HPCAL1: variants seen among roughly 807,000 people sequenced by gnomAD.
HPCAL1 encodes the protein hippocalcin like 1, also known as hippocalcin-like protein 1.
HPCAL1 carries 8 observed loss-of-function variants against 17.1 expected under a neutral mutation model. That is an observed-to-expected ratio of 0.47 (90% CI 0.27 to 0.84). The LOEUF (loss-of-function observed/expected upper bound fraction) is 0.84. Among genes scored for constraint, HPCAL1 ranks in the 40% least tolerant of loss-of-function variants. HPCAL1 has a pLI of 0.13. For missense variants in HPCAL1, 165 were observed against 271.1 expected, an observed-to-expected ratio of 0.61 and a Z score of 2.75; for synonymous variants, 112 against 111.4, an observed-to-expected ratio of 1.01 and a Z score of -0.03.
intron 1 of HPCAL1, among the ~76,000 whole-genome samples, chr2:10,385,052 G>A (rs1321549261): frequency 6.6e-6 from 1 of 151,252 alleles, no homozygotes; most frequent in Non-Finnish European, 1.5e-5. Flanking sequence ...CCCGGGAGGT[G>A]AAGGTTGCAG....
chr2:10,379,598 C>T (rs1386380640), intron 1 of HPCAL1, among the ~76,000 whole-genome samples: 1 of 152,114 alleles, frequency 6.6e-6, no homozygotes, highest in East Asian at 1.9e-4. Flanking sequence ...CTGGATGTCT[C>T]TCAATAGGCT....
At position 10,407,094 on chromosome 2, in the gene HPCAL1, C is replaced by T. The variant is rs535794375; in HGVS notation, c.-25+10174C>T. ...GCAGGAAGTCCCCCATCCTGTCCCC[C>T]ACCCCACTGGCTGAGGACCATATAG... On this transcript the variant is annotated intron_variant, in intron 2 of 4. Transcript: ENST00000307845. 4.1e-4 allele frequency among the ~76,000 whole-genome samples: 63 copies of T among 152,270 alleles called. 2 individuals are homozygous for T. In the South Asian group the frequency reaches 0.013, roughly 31 times the overall value.
chr2:10,391,483 G>A (rs1281163746), intron 1 of HPCAL1, among the ~76,000 whole-genome samples: 2 of 152,256 alleles, frequency 1.3e-5, no homozygotes, highest in East Asian at 1.9e-4. Context: ...CCCATTTAAA[G>A]TATACAATGT....
rs924542791 is a variant in HPCAL1 at position 10,362,929 on chromosome 2, G to A, written c.-110-33906G>A. 6.6e-6 allele frequency among the ~76,000 whole-genome samples: 1 copy of A among 152,200 alleles called. No homozygotes were observed. The highest frequency in any genetic ancestry group is 1.5e-5 in the Non-Finnish European group (1 of 68,040). On this transcript the variant is annotated intron_variant, in intron 1 of 4. Transcript: ENST00000307845. The surrounding 1 kb of genome is among the most constrained non-coding windows in gnomAD (Gnocchi z 5.0). Reference sequence around the variant, plus strand: ...GACTGGGGAATCCCTGGCCCAGAGAGGGAAACTGGTTTTCCCAGAGTCACA... The same window carrying A: ...GACTGGGGAATCCCTGGCCCAGAGAAGGAAACTGGTTTTCCCAGAGTCACA...
At chr2:10,339,185 C>T (rs1664911618) in intron 1 of HPCAL1, among the ~76,000 whole-genome samples, 1 of 152,186 alleles carries the variant, frequency 6.6e-6, no homozygotes, top group South Asian at 2.1e-4. Context: ...TAGGGTCTCG[C>T]TGTGTCACCC....
chr2:10,398,960 G>A (rs954676596), intron 2 of HPCAL1, among the ~76,000 whole-genome samples: 1 of 152,034 alleles, frequency 6.6e-6, no homozygotes, highest in Non-Finnish European at 1.5e-5. Flanking sequence ...GCTAGAGAGT[G>A]GGGGAACATC....
At chr2:10,347,700 C>T (rs139164997) in intron 1 of HPCAL1, among the ~76,000 whole-genome samples, 73 of 152,240 alleles carry the variant, frequency 4.8e-4, no homozygotes, top group African/African-American at 1.7e-3. Context: ...ACTGTGTCTG[C>T]GGGGCGGGGT....
chr2:10,380,933 T>A (rs1667902025), intron 1 of HPCAL1, among the ~76,000 whole-genome samples: 1 of 152,220 alleles, frequency 6.6e-6, no homozygotes, highest in Non-Finnish European at 1.5e-5. Context: ...AAGAATGTTT[T>A]GAATAAGCGA....
chr2:10,427,084 C>T lies in HPCAL1; in HGVS notation c.*263C>T. ...TGCAGGGTTCAAGTGTTCTTGGTTC[C>T]AGGCACCTCCCGGCTCACGGGGAGC... On this transcript the variant is annotated 3_prime_UTR_variant, in exon 5 of 5. Coordinates refer to ENST00000307845, the MANE Select transcript of HPCAL1 (RefSeq NM_002149.4). The T allele has an allele frequency of 4.2e-6, 2 of 475,590 alleles. No individual in the cohort carries two copies. Among genetic ancestry groups the T allele is most frequent in the Non-Finnish European group, 7.7e-6 (2 of 260,646 alleles). 29.5% of individuals were successfully genotyped at this position (475,590 alleles called of 1,614,324 possible). A position where few individuals can be genotyped will look rare whatever the true frequency, so the allele number is the denominator to read the frequency against.
rs568800133 is a variant in HPCAL1, at chr2:10,384,505, G to A, written c.-110-12330G>A. On this transcript the variant is annotated intron_variant, in intron 1 of 4. Coordinates refer to ENST00000307845, the MANE Select transcript of HPCAL1 (RefSeq NM_002149.4). This position sits in a 1 kb window ranked among gnomAD's most constrained non-coding sequence, Gnocchi z 4.4. Reference sequence around the variant, plus strand: ...GGTGCACGGTGCTGTGCTGGGCACTGGGGCAAGGCCCCCTCCCCCATGGGG... The same window carrying A: ...GGTGCACGGTGCTGTGCTGGGCACTAGGGCAAGGCCCCCTCCCCCATGGGG... Among the ~76,000 whole-genome samples, 441 of 152,254 alleles carry A rather than the reference G, an allele frequency of 2.9e-3. 2 individuals carry two copies. Among genetic ancestry groups the A allele is most frequent in the African/African-American group, 8.5e-3 (355 of 41,564 alleles).
rs1363730950 is a variant in HPCAL1 at position 10,423,153 on chromosome 2, G to A, written c.484+65G>A. 12 of 1,225,578 alleles carry A rather than the reference G, an allele frequency of 9.8e-6. No individual in the cohort carries two copies. The Admixed American group carries it at 2.1e-4, about 22-fold the overall frequency. 75.9% of individuals were successfully genotyped at this position (1,225,578 alleles called of 1,614,324 possible). Reference sequence around the variant, plus strand: ...GGTAGGGGCAAAACCATGTGGTTTGGGGCACCCCCTCCCCTCTGCAGCTTC... The same window carrying A: ...GGTAGGGGCAAAACCATGTGGTTTGAGGCACCCCCTCCCCTCTGCAGCTTC... On this transcript the variant is annotated intron_variant, in intron 4 of 4. Coordinates refer to ENST00000307845, the MANE Select transcript of HPCAL1 (RefSeq NM_002149.4).
chr2:10,332,808 T>A (rs561553723), intron 1 of HPCAL1, among the ~76,000 whole-genome samples: 21 of 152,234 alleles, frequency 1.4e-4, no homozygotes, highest in African/African-American at 5.1e-4. Flanking sequence ...AAGGTGGGGA[T>A]GAGGACTGAT....
At chr2:10,335,596 A>G (rs1664665386) in intron 1 of HPCAL1, among the ~76,000 whole-genome samples, 1 of 152,230 alleles carries the variant, frequency 6.6e-6, no homozygotes, top group Non-Finnish European at 1.5e-5. Flanking sequence ...CAGATAACCA[A>G]TACGAGCACA....
At chr2:10,317,974 C>A (rs945696755) in intron 1 of HPCAL1, among the ~76,000 whole-genome samples, 2 of 152,194 alleles carry the variant, frequency 1.3e-5, no homozygotes, top group Non-Finnish European at 2.9e-5. Flanking sequence ...GTTGGATGGA[C>A]AATAACATCA....
At chr2:10,408,119 A>G (rs1670088419) in intron 2 of HPCAL1, among the ~76,000 whole-genome samples, 1 of 152,198 alleles carries the variant, frequency 6.6e-6, no homozygotes, top group Admixed American at 6.5e-5. Context: ...AGCTTCTGCA[A>G]GAGAAAGTAC....
chr2:10,304,642 C>T lies in HPCAL1; in HGVS notation c.-111+1465C>T, dbSNP rs939973635. Among the ~76,000 whole-genome samples the T allele has an allele frequency of 8.5e-5, 13 of 152,270 alleles. No individual in the cohort carries two copies. Among genetic ancestry groups the T allele is most frequent in the African/African-American group, 2.9e-4 (12 of 41,466 alleles). ...TGAACCGCAGTGAACGAGCACCCAGCTCTTACCACGACTCACTCTCTGGAG... is the reference window on the plus strand; with the variant it reads ...TGAACCGCAGTGAACGAGCACCCAGTTCTTACCACGACTCACTCTCTGGAG... On this transcript the variant is annotated intron_variant, in intron 1 of 4. Transcript: ENST00000307845. This position sits in a 1 kb window ranked among gnomAD's most constrained non-coding sequence, Gnocchi z 4.1.
Position 10,420,024 on chromosome 2 carries a change from G to A in HPCAL1, c.267G>A (p.Leu89=), listed in dbSNP as rs1670941310. Residue 89 remains leucine (L), a synonymous_variant, in exon 3 of 5, where the codon CTG becomes CTA. Coordinates refer to ENST00000307845, the MANE Select transcript of HPCAL1 (RefSeq NM_002149.4). Reference sequence around the variant, plus strand: ...ACTTCCGGGAGTTCATCATTGCGCTGAGCGTGACCTCGCGGGGCAAGCTGG... The same window carrying A: ...ACTTCCGGGAGTTCATCATTGCGCTAAGCGTGACCTCGCGGGGCAAGCTGG... ...TIDFREFIIA[L]SVTSRGKLEQ... is the part of the protein sequence containing the mutation. The A allele has an allele frequency of 1.2e-6, 2 of 1,613,862 alleles. No individual in the cohort carries two copies. Among genetic ancestry groups the A allele is most frequent in the East Asian group, 2.2e-5 (1 of 44,892 alleles).
chr2:10,326,117 G>A lies in HPCAL1; in HGVS notation c.-111+22940G>A, dbSNP rs1475719778. Among the ~76,000 whole-genome samples the A allele has an allele frequency of 2.6e-5, 4 of 152,188 alleles. No individual in the cohort carries two copies. The East Asian group carries it at 7.7e-4, about 29-fold the overall frequency. ...CTCTCTGGGTTCGACACCATCTCAG[G>A]GTACTCATGCCTGTTAGGTGCTTGG... On this transcript the variant is annotated intron_variant, in intron 1 of 4. Transcript: ENST00000307845.
In HPCAL1 at chr2:10,389,003, C is replaced by A. The variant is rs191834117; in HGVS notation, c.-110-7832C>A. Among the ~76,000 whole-genome samples the A allele has an allele frequency of 2.6e-5, 4 of 152,136 alleles. No homozygotes were observed. The East Asian group carries it at 7.7e-4, about 29-fold the overall frequency. ...AGGCAAGTATATAATGAGAAGGTGA[C>A]GTAGGAGGCGGGACTCGACTCCAGA... On this transcript the variant is annotated intron_variant, in intron 1 of 4. Transcript: ENST00000307845.
Sources: allele counts gnomAD v4.1 joint callset (sites outside exome capture counted in the v4.1 genomes callset), GRCh38; gene constraint gnomAD v4.1.1; non-coding constraint Gnocchi (gnomAD v3.1); transcripts MANE v1.5; gene names NCBI Gene and HGNC (gene_info 2026-07-23, HGNC 2026-07-21).